CC2D2B: variants seen among roughly 807,000 people sequenced by gnomAD.
CC2D2B encodes protein CC2D2B.
CC2D2B carries 128 observed loss-of-function variants against 161.2 expected under a neutral mutation model. The ratio of observed to expected loss-of-function variants is 0.79; its 90% confidence interval spans 0.69 to 0.92. The LOEUF is 0.92. Among genes scored for constraint, CC2D2B ranks in the 40% least tolerant of loss-of-function variants. CC2D2B has a pLI of 0.00. For synonymous variants in CC2D2B, 391 were observed against 449.8 expected, an observed-to-expected ratio of 0.87 and a Z score of 1.65; for missense variants, 1,173 against 1,375.1, an observed-to-expected ratio of 0.85 and a Z score of 2.32.
chr10:95,987,919 T>A (rs1052591548), intron 19 of CC2D2B, among the ~76,000 whole-genome samples: 9 of 152,218 alleles, frequency 5.9e-5, no homozygotes, highest in African/African-American at 1.9e-4. Flanking sequence ...TTTTTAGTGA[T>A]ACAGGGCAAA....
In CC2D2B at chr10:96,013,731, A is replaced by T. The variant is rs971188461; in HGVS notation, c.3427-57A>T. ...CTAAATGAGAGAGTGCATGTAAAGC[A>T]TTGTGCTAAGTGATGGACATACAGC... On this transcript the variant is annotated intron_variant, in intron 28 of 34. Coordinates refer to ENST00000646931, the MANE Select transcript of CC2D2B (RefSeq NM_001349008.3). 3 of 1,003,846 alleles carry T rather than the reference A, an allele frequency of 3.0e-6. No individual in the cohort carries two copies. The South Asian group carries it at 4.2e-5, about 14-fold the overall frequency. The allele number at this position is 1,003,846 out of a possible 1,614,324, so 62.2% of individuals were successfully genotyped here.
At chr10:95,984,556 A>G (rs1590741421) in intron 19 of CC2D2B, 1 of 152,204 alleles carries the variant, frequency 6.6e-6, no homozygotes, top group South Asian at 2.1e-4. Context: ...TTATTTAATC[A>G]ATGGGGTAGA....
At position 95,934,864 on chromosome 10, in the gene CC2D2B, T is replaced by G. The variant is rs995465378; in HGVS notation, c.337-3127T>G. On this transcript the variant is annotated intron_variant, in intron 6 of 34. Transcript: ENST00000646931. Reference sequence around the variant, plus strand: ...CTTGCCAGCCACAGAGTTTTTTGTTTGTTTGTTTTGTTTTGTTTTGTTTTG... The same window carrying G: ...CTTGCCAGCCACAGAGTTTTTTGTTGGTTTGTTTTGTTTTGTTTTGTTTTG... Among the ~76,000 whole-genome samples the G allele has an allele frequency of 3.2e-5, 4 of 125,000 alleles. No individual in the cohort carries two copies. The East Asian group carries it at 8.8e-4, about 27-fold the overall frequency. 82.0% of individuals were successfully genotyped at this position (125,000 alleles called of 152,430 possible). A position where few individuals can be genotyped will look rare whatever the true frequency, so the allele number is the denominator to read the frequency against.
At position 95,938,607 on chromosome 10, in the gene CC2D2B, C is replaced by T. The variant is rs1170784634; in HGVS notation, c.574C>T (p.Arg192Cys). ...QRKLPKDMMPRILEDEGFYIQ... is the reference protein window; with the variant it reads ...QRKLPKDMMPCILEDEGFYIQ... ...CAAACTGCCAAAAGATATGATGCCACGTATTCTAGAAGATGAAGGATTCTA... is the reference window on the plus strand; with the variant it reads ...CAAACTGCCAAAAGATATGATGCCATGTATTCTAGAAGATGAAGGATTCTA... Residue 192 changes from arginine to cysteine, a missense_variant, in exon 8 of 35, where the codon CGT becomes TGT. Transcript: ENST00000646931. 8 of 710,398 alleles carry T rather than the reference C, an allele frequency of 1.1e-5. No individual in the cohort carries two copies. Among genetic ancestry groups the T allele is most frequent in the African/African-American group, 3.5e-5 (2 of 56,658 alleles). The allele number at this position is 710,398 out of a possible 1,614,324, so 44.0% of individuals were successfully genotyped here.
chr10:95,966,500 C>T (rs920612990), intron 14 of CC2D2B, among the ~76,000 whole-genome samples, 198 bp downstream of exon 14: 14 of 152,104 alleles, frequency 9.2e-5, no homozygotes, highest in African/African-American at 3.1e-4. Flanking sequence ...GAATGTAGCT[C>T]ATGGGAAGTT....
chr10:95,924,644 G>A, intron 4 of CC2D2B, 135 bp from the exon 5 acceptor site: 1 of 634,908 alleles, frequency 1.6e-6, no homozygotes, highest in African/African-American at 1.8e-5. Flanking sequence ...TATGTCTGCT[G>A]ATATTTCATG....
intron 14 of CC2D2B, 42 bp downstream of exon 14, chr10:95,966,344 T>G: frequency 1.4e-6 from 1 of 704,160 alleles, no homozygotes; most frequent in Non-Finnish European, 2.0e-6. Flanking sequence ...ATATATTGTC[T>G]ATTAATTGGA....
chr10:95,995,424 T>C (rs2078192902), intron 23 of CC2D2B, 59 bp downstream of exon 23: 1 of 860,564 alleles, frequency 1.2e-6, no homozygotes, highest in East Asian at 2.9e-5. Context: ...TGAATTACAA[T>C]TGACTCTTAA....
At position 95,991,353 on chromosome 10, in the gene CC2D2B, T is replaced by C; in HGVS notation, c.2380-17T>C. On this transcript the variant is annotated splice_polypyrimidine_tract_variant and intron_variant, in intron 20 of 34. Coordinates refer to ENST00000646931, the MANE Select transcript of CC2D2B (RefSeq NM_001349008.3). ...TATAAACAATACATTTTTTATTAAATTCTAAATTTTTTTTAGGTGAGAAGG... is the reference window on the plus strand; with the variant it reads ...TATAAACAATACATTTTTTATTAAACTCTAAATTTTTTTTAGGTGAGAAGG... 1.2e-6 allele frequency: 1 copy of C among 829,756 alleles called. No individual in the cohort carries two copies. The highest frequency in any genetic ancestry group is 1.6e-6 in the Non-Finnish European group (1 of 620,972). 51.4% of individuals were successfully genotyped at this position (829,756 alleles called of 1,614,324 possible).
intron 30 of CC2D2B, chr10:96,018,776 C>G (rs1290692719): frequency 1.3e-5 from 2 of 150,322 alleles, no homozygotes; most frequent in Admixed American, 6.6e-5. Context: ...TAAAAGCCCT[C>G]AAAAAGGCTT....
At chr10:96,014,790 A>G (rs766429050) in intron 29 of CC2D2B, among the ~76,000 whole-genome samples, 1 of 152,178 alleles carries the variant, frequency 6.6e-6, no homozygotes, top group Non-Finnish European at 1.5e-5. Flanking sequence ...CCTTGACCTG[A>G]CAATGAAGAC....
chr10:95,957,642 C>G (rs2076614522), intron 11 of CC2D2B, among the ~76,000 whole-genome samples: 1 of 144,204 alleles, frequency 6.9e-6, no homozygotes, highest in Admixed American at 7.3e-5. Flanking sequence ...CTCACTGCGA[C>G]CTTCACTTCC....
chr10:95,935,635 T>C (rs1181309224), intron 6 of CC2D2B, among the ~76,000 whole-genome samples: 1 of 152,186 alleles, frequency 6.6e-6, no homozygotes, highest in African/African-American at 2.4e-5. Flanking sequence ...ACCAGCCACA[T>C]TGGCTTCCTT....
rs761609808 is a variant in CC2D2B at position 96,032,799 on chromosome 10, C to T, written c.*791C>T. The T allele has an allele frequency of 9.1e-5, 43 of 470,156 alleles. No homozygotes were observed. The highest frequency in any genetic ancestry group is 6.5e-4 in the South Asian group (42 of 64,342). The allele number at this position is 470,156 out of a possible 1,614,324, so 29.1% of individuals were successfully genotyped here. A position where few individuals can be genotyped will look rare whatever the true frequency, so the allele number is the denominator to read the frequency against. On this transcript the variant is annotated 3_prime_UTR_variant, in exon 35 of 35. Coordinates refer to ENST00000646931, the MANE Select transcript of CC2D2B (RefSeq NM_001349008.3). ...CAGGAAACTCTAATTTCTCCCAATT[C>T]TGTGAGGGAGGAAATGGTCTTGACA...
chr10:96,018,173 G>A (rs2079287622), intron 30 of CC2D2B, among the ~76,000 whole-genome samples: 1 of 152,026 alleles, frequency 6.6e-6, no homozygotes, highest in African/African-American at 2.4e-5. Flanking sequence ...AATATCTGAT[G>A]CACATAAATA....
rs1461748400 is a variant in CC2D2B at position 96,012,167 on chromosome 10, A to G, written c.3046-18A>G. 4.6e-6 allele frequency: 3 copies of G among 653,142 alleles called. No homozygotes were observed. The highest frequency in any genetic ancestry group is 5.2e-5 in the Admixed American group (2 of 38,528). 40.5% of individuals were successfully genotyped at this position (653,142 alleles called of 1,614,324 possible). ...ATTTTCATCATGCATAATCCATTAT[A>G]CTGATATACTCTTTCAGATTAGTGG... On this transcript the variant is annotated intron_variant, in intron 26 of 34. Transcript: ENST00000646931.
intron 9 of CC2D2B, among the ~76,000 whole-genome samples, chr10:95,939,855 T>G (rs2075962330): frequency 6.6e-6 from 1 of 152,238 alleles, no homozygotes. Context: ...CTTATTGATG[T>G]GTTGATTTCT....
chr10:96,031,131 T>TA lies in CC2D2B; in HGVS notation c.4126-688dup, dbSNP rs570092024. Among the ~76,000 whole-genome samples, 7 of 152,298 alleles carry TA rather than the reference T, an allele frequency of 4.6e-5. No individual in the cohort carries two copies. In the South Asian group the frequency reaches 1.5e-3, roughly 32 times the overall value. The stretch of plus-strand genomic sequence containing the variant: ...CAGGCATTATGCTGGACACTGGAGT[T>TA]ATAGTAGTACACAGGACAGATACAG... On this transcript the variant is annotated intron_variant, in intron 34 of 34. Coordinates refer to ENST00000646931, the MANE Select transcript of CC2D2B (RefSeq NM_001349008.3).
At position 95,938,061 on chromosome 10, in the gene CC2D2B, A is replaced by G; in HGVS notation, c.407A>G (p.Glu136Gly). Residue 136 changes from glutamate (E) to glycine (G), a missense_variant, in exon 7 of 35, where the codon GAA becomes GGA. Transcript: ENST00000646931. The stretch of plus-strand genomic sequence containing the variant: ...AATTTACAAAATGTTGCTGAGAGTG[A>G]AGAGGAAGAGTTTATGAAAGAATTC... Reference protein sequence around the residue: ...GVNLQNVAESEEEEFMKEFIL... With the variant: ...GVNLQNVAESGEEEFMKEFIL... 1.3e-6 allele frequency: 2 copies of G among 1,550,812 alleles called. No individual in the cohort carries two copies. The highest frequency in any genetic ancestry group is 1.7e-6 in the Non-Finnish European group (2 of 1,146,248).
Sources: gnomAD v4.1 joint callset for allele counts (sites outside exome capture counted in the v4.1 genomes callset) on GRCh38, gnomAD v4.1.1 for gene constraint, MANE v1.5 for transcripts, NCBI Gene and HGNC (gene_info 2026-07-23, HGNC 2026-07-21) for gene names.